KALRN: variants seen among roughly 807,000 people sequenced by gnomAD.
KALRN encodes kalirin.
In KALRN, 70 loss-of-function variants were observed where a neutral mutation model predicts 353.7. The observed-to-expected ratio is 0.20, with a 90% CI of 0.16 to 0.24. The LOEUF is 0.24. KALRN is among the 10% of genes least tolerant of loss of function. The probability of loss-of-function intolerance (pLI) is 1.00; values close to 1 mark genes in which losing one functional copy is unlikely to be tolerated. For missense variants in KALRN, 2,791 were observed against 3,756.7 expected (o/e 0.74, Z 6.72); for synonymous variants, 1,391 against 1,434.8 (o/e 0.97, Z 0.69).
chr3:124,259,846 G>T (rs2072592615), intron 3 of KALRN, among the ~76,000 whole-genome samples: 1 of 152,180 alleles, frequency 6.6e-6, no homozygotes, highest in East Asian at 1.9e-4. Context: ...GACAGTTACA[G>T]GTTTAAATAG....
At chr3:124,503,520 A>G (rs1437633994) in intron 33 of KALRN, among the ~76,000 whole-genome samples, 1 of 151,758 alleles carries the variant, frequency 6.6e-6, no homozygotes. Flanking sequence ...TCTTCCCAGT[A>G]TAGTTCCTTT....
intron 14 of KALRN, among the ~76,000 whole-genome samples, chr3:124,419,324 G>A (rs561663590): frequency 6.0e-5 from 9 of 150,494 alleles, no homozygotes; most frequent in African/African-American, 1.5e-4. Flanking sequence ...CCTACTAGAT[G>A]CCAAGCACTG....
chr3:124,374,890 A>C (rs1466345619), intron 10 of KALRN, among the ~76,000 whole-genome samples: 1 of 152,164 alleles, frequency 6.6e-6, no homozygotes, highest in African/African-American at 2.4e-5. Context: ...ATTCTGTTCC[A>C]TGGGGATGCT....
intron 1 of KALRN, among the ~76,000 whole-genome samples, chr3:124,177,587 G>T (rs1408635201): frequency 6.6e-6 from 1 of 152,184 alleles, no homozygotes; most frequent in Non-Finnish European, 1.5e-5. Context: ...TACCCACATG[G>T]TGATACATTT....
At chr3:124,507,197 T>A (rs891186274) in intron 33 of KALRN, among the ~76,000 whole-genome samples, 1 of 152,096 alleles carries the variant, frequency 6.6e-6, no homozygotes, top group African/African-American at 2.4e-5. Flanking sequence ...TTATTTCACC[T>A]CCCCACCCCA....
chr3:124,090,933 T>A (rs2061081972), intron 1 of KALRN, among the ~76,000 whole-genome samples: 1 of 152,108 alleles, frequency 6.6e-6, no homozygotes, highest in Admixed American at 6.5e-5. Context: ...GGACTTGAAT[T>A]TCAGTGTCTA....
intron 33 of KALRN, among the ~76,000 whole-genome samples, chr3:124,501,429 G>A (rs891893383): frequency 6.6e-6 from 1 of 152,180 alleles, no homozygotes; most frequent in East Asian, 1.9e-4. Context: ...TCACATCAAT[G>A]TAGTGGGTCA....
At chr3:124,210,511 T>C (rs1467722807) in intron 1 of KALRN, among the ~76,000 whole-genome samples, 2 of 152,190 alleles carry the variant, frequency 1.3e-5, no homozygotes, top group African/African-American at 4.8e-5. Context: ...CCATTATCTC[T>C]TCTACAGCAA....
intron 1 of KALRN, among the ~76,000 whole-genome samples, chr3:124,072,277 T>C (rs558261982): frequency 5.0e-4 from 76 of 152,264 alleles, no homozygotes; most frequent in Non-Finnish European, 9.3e-4. Flanking sequence ...CCTGGACTTG[T>C]TCTGTTCCGA....
chr3:124,618,664 A>C (rs1424800102), intron 34 of KALRN, among the ~76,000 whole-genome samples: 1 of 152,178 alleles, frequency 6.6e-6, no homozygotes. Flanking sequence ...GCTTGTTTGA[A>C]GGCCTAAGAC....
intron 18 of KALRN, among the ~76,000 whole-genome samples, 183 bp downstream of exon 18, chr3:124,439,220 A>G (rs2093594290): frequency 6.6e-6 from 1 of 150,850 alleles, no homozygotes; most frequent in African/African-American, 2.4e-5. Flanking sequence ...ACACACACAC[A>G]CACACACACA....
chr3:124,070,148 C>T (rs1387933928), intron 1 of KALRN, among the ~76,000 whole-genome samples: 1 of 152,006 alleles, frequency 6.6e-6, no homozygotes, highest in Non-Finnish European at 1.5e-5. Flanking sequence ...GGATTTGATC[C>T]CTATATTCTG....
chr3:124,138,024 A>G (rs1395493942), intron 1 of KALRN, among the ~76,000 whole-genome samples: 1 of 152,194 alleles, frequency 6.6e-6, no homozygotes, highest in East Asian at 1.9e-4. Context: ...GGCCCTGGAC[A>G]TTCCCAGGGA....
At chr3:124,535,864 C>T (rs1036650082) in intron 33 of KALRN, among the ~76,000 whole-genome samples, 12 of 152,274 alleles carry the variant, frequency 7.9e-5, no homozygotes, top group African/African-American at 2.2e-4. Context: ...CTCAGGCACC[C>T]GGCTCCTTCT....
intron 1 of KALRN, among the ~76,000 whole-genome samples, chr3:124,084,180 G>A (rs749096699): frequency 3.3e-5 from 5 of 152,228 alleles, no homozygotes; most frequent in Non-Finnish European, 7.3e-5. Context: ...GAATAGTTTG[G>A]TTGATTGCCA....
At chr3:124,697,868 C>A in intron 55 of KALRN, 144 bp downstream of exon 55, 1 of 788,368 alleles carries the variant, frequency 1.3e-6, no homozygotes, top group Non-Finnish European at 1.9e-6. Flanking sequence ...TGCTATATTG[C>A]CCAGGCTGGT....
chr3:124,388,968 G>A lies in KALRN; in HGVS notation c.1962+3932G>A, dbSNP rs968098196. On this transcript the variant is annotated intron_variant, in intron 11 of 59. Transcript: ENST00000682506. ...AGTTCTGGCTTTTTATTCAAGACAG[G>A]ATTAGTAGTCTGTTAGGGAATTTTG... 6.6e-5 allele frequency among the ~76,000 whole-genome samples: 10 copies of A among 152,272 alleles called. No homozygotes were observed. The East Asian group carries it at 1.9e-3, about 29-fold the overall frequency.
chr3:124,124,940 A>G (rs2064464325), intron 1 of KALRN, among the ~76,000 whole-genome samples: 1 of 152,186 alleles, frequency 6.6e-6, no homozygotes, highest in Non-Finnish European at 1.5e-5. Flanking sequence ...GTCTGGAACC[A>G]AACCCTCAAT....
intron 15 of KALRN, among the ~76,000 whole-genome samples, chr3:124,424,811 G>A (rs1224830848): frequency 6.6e-6 from 1 of 152,148 alleles, no homozygotes; most frequent in African/African-American, 2.4e-5. Flanking sequence ...CATTTTAAGA[G>A]AACATGCCCA....
Sources: gnomAD v4.1 joint callset for allele counts (sites outside exome capture counted in the v4.1 genomes callset) on GRCh38, gnomAD v4.1.1 for gene constraint, MANE v1.5 for transcripts, NCBI Gene and HGNC (gene_info 2026-07-23, HGNC 2026-07-21) for gene names.